SIRT3: variants seen among roughly 807,000 people sequenced by gnomAD.
SIRT3 encodes the protein NAD-dependent protein deacetylase sirtuin-3, mitochondrial.
In SIRT3, 26 loss-of-function variants were observed where a neutral mutation model predicts 33.5. That is an observed-to-expected ratio of 0.78 (90% CI 0.57 to 1.08). SIRT3 has a LOEUF of 1.08. SIRT3 is among the 50% of genes least tolerant of loss of function. The pLI is 0.00. For missense variants in SIRT3, 585 were observed against 530.1 expected, an observed-to-expected ratio of 1.10 and a Z score of -1.02; for synonymous variants, 237 against 222.1, an observed-to-expected ratio of 1.07 and a Z score of -0.60.
rs750804409 is a variant in SIRT3 at position 233,345 on chromosome 11, G to C, written c.471C>G (p.Phe157Leu). 1.9e-6 allele frequency: 3 copies of C among 1,613,394 alleles called. No homozygotes were observed. The highest frequency in any genetic ancestry group is 2.7e-5 in the African/African-American group (2 of 74,858). The change falls in exon 2 of 7, where the codon TTC becomes TTG. Residue 157 changes from phenylalanine (F) to leucine (L), a missense_variant and splice_region_variant. Coordinates refer to ENST00000382743, the MANE Select transcript of SIRT3 (RefSeq NM_012239.6). ...GISTPSGIPD[F>L]RSPGSGLYSN... ...GCAGGTGGGACTGTGGGCAGTACCT[G>C]AAGTCTGGAATGCCACTGGGTGTGC...
At chr11:225,749 T>C (rs934273404) in intron 4 of SIRT3, 1 of 152,234 alleles carries the variant, frequency 6.6e-6, no homozygotes, top group Admixed American at 6.5e-5. Flanking sequence ...AGGTCTAATG[T>C]ATGTTCAATC....
At chr11:216,745 A>G (rs751979507) in intron 6 of SIRT3, 27 bp from the exon 7 acceptor site, 9 of 1,613,628 alleles carry the variant, frequency 5.6e-6, no homozygotes, top group African/African-American at 5.3e-5. Flanking sequence ...AGAGGGTATC[A>G]GCTATCTGTT....
chr11:234,516 G>A (rs1055417293), intron 1 of SIRT3, among the ~76,000 whole-genome samples: 1 of 152,130 alleles, frequency 6.6e-6, no homozygotes, highest in Non-Finnish European at 1.5e-5. Context: ...CCAGGTTCAC[G>A]CCATTCTCCT....
chr11:235,796 C>T (rs1858949943), intron 1 of SIRT3, among the ~76,000 whole-genome samples: 1 of 152,126 alleles, frequency 6.6e-6, no homozygotes, highest in African/African-American at 2.4e-5. Flanking sequence ...CAGTGAGGTG[C>T]CAACAAGGTT....
intron 4 of SIRT3, among the ~76,000 whole-genome samples, chr11:229,287 A>AG (rs397961064): frequency 3.2e-5 from 2 of 62,270 alleles, no homozygotes; most frequent in Non-Finnish European, 6.3e-5. Flanking sequence ...ACTCTACTAA[A>AG]TACAAAAATT....
In SIRT3 at chr11:216,721, G is replaced by A. The variant is rs202062846; in HGVS notation, c.1180-3C>T. The A allele has an allele frequency of 2.9e-5, 46 of 1,613,950 alleles. No individual in the cohort carries two copies. The highest frequency in any genetic ancestry group is 1.6e-4 in the Middle Eastern group (1 of 6,084). On this transcript the variant is annotated splice_region_variant and splice_polypyrimidine_tract_variant and intron_variant, in intron 6 of 6. Coordinates refer to ENST00000382743, the MANE Select transcript of SIRT3 (RefSeq NM_012239.6). The stretch of plus-strand genomic sequence containing the variant: ...TCCTATTTGTCTGGTCCATCAAGCT[G>A]GAATACAGAAGACAGAGGGTATCAG...
chr11:220,201 G>A (rs1044411740), intron 5 of SIRT3, among the ~76,000 whole-genome samples: 2 of 151,716 alleles, frequency 1.3e-5, no homozygotes, highest in Non-Finnish European at 2.9e-5. Context: ...GTGGTGGCAC[G>A]CACCTATAAT....
upstream of SIRT3, chr11:236,925 C>T (rs1344434240): frequency 1.0e-5 from 8 of 794,664 alleles, no homozygotes; most frequent in Admixed American, 2.4e-5. Flanking sequence ...CGCCCCCGGC[C>T]TGCTACGGCG....
chr11:236,473 C>T (rs11246029), upstream of SIRT3: 278,977 of 374,560 alleles, frequency 0.74, 104,878 homozygotes, highest in African/African-American at 0.88. Flanking sequence ...CGCCTCCGCG[C>T]CCCGCCCCCG....
intron 1 of SIRT3, among the ~76,000 whole-genome samples, chr11:235,701 C>T (rs565535487): frequency 1.3e-5 from 2 of 152,258 alleles, no homozygotes; most frequent in African/African-American, 2.4e-5. Context: ...GAGTATTAAC[C>T]GCACAACATT....
chr11:236,897 C>G, upstream of SIRT3: 2 of 674,016 alleles, frequency 3.0e-6, no homozygotes, highest in South Asian at 3.3e-5. Flanking sequence ...GCGCTGTAAC[C>G]GAGCAACCAG....
At chr11:232,688 C>G (rs1858237691) in intron 3 of SIRT3, among the ~76,000 whole-genome samples, 1 of 152,074 alleles carries the variant, frequency 6.6e-6, no homozygotes, top group African/African-American at 2.4e-5. Context: ...ATCATCACAC[C>G]AGATTGGCAA....
chr11:232,430 C>T (rs1433314851), intron 3 of SIRT3, among the ~76,000 whole-genome samples: 2 of 151,988 alleles, frequency 1.3e-5, no homozygotes, highest in African/African-American at 4.8e-5. Flanking sequence ...GGCACCCGGC[C>T]GGAGTTGTTT....
In SIRT3 at chr11:223,244, A is replaced by C; in HGVS notation, c.969+834T>G. 1 of 167,178 alleles carries C rather than the reference A, an allele frequency of 6.0e-6. No homozygotes were observed. Among genetic ancestry groups the C allele is most frequent in the South Asian group, 1.5e-4 (1 of 6,552 alleles). The allele number at this position is 167,178 out of a possible 1,614,324, so 10.4% of individuals were successfully genotyped here. A position where few individuals can be genotyped will look rare whatever the true frequency, so the allele number is the denominator to read the frequency against. ...GCAGAACAGCTGCTTGAACACATCC[A>C]GGGCATGTTTCCCGACACCTCAGAC... On this transcript the variant is annotated intron_variant, in intron 5 of 6. Transcript: ENST00000382743. This position sits in a 1 kb window ranked among gnomAD's most constrained non-coding sequence, Gnocchi z 4.8.
chr11:236,293 G>A lies in SIRT3; in HGVS notation c.36C>T (p.Leu12=), dbSNP rs200074238. The A allele has an allele frequency of 6.5e-7, 1 of 1,529,666 alleles. No homozygotes were observed. Among genetic ancestry groups the A allele is most frequent in the Admixed American group, 2.0e-5 (1 of 50,126 alleles). The allele number at this position is 1,529,666 out of a possible 1,614,324, so 94.8% of individuals were successfully genotyped here. A position where few individuals can be genotyped will look rare whatever the true frequency, so the allele number is the denominator to read the frequency against. The change falls in exon 1 of 7, where the codon CTC becomes CTT. Residue 12 remains leucine (L), a synonymous_variant. Coordinates refer to ENST00000382743, the MANE Select transcript of SIRT3 (RefSeq NM_012239.6). The stretch of plus-strand genomic sequence containing the variant: ...GTTCAACTACCCGGCCCCACAGCCG[G>A]AGGGCTGCCGCGGCGCGCCAACCCC... The part of the protein sequence containing the change: ...AFWGWRAAAA[L]RLWGRVVERV...
chr11:235,946 A>T (rs1210629769), intron 1 of SIRT3, 102 bp downstream of exon 1: 1 of 1,316,260 alleles, frequency 7.6e-7, no homozygotes, highest in East Asian at 2.8e-5. Flanking sequence ...GAACGCACGT[A>T]AACTCCCAGA....
intron 4 of SIRT3, among the ~76,000 whole-genome samples, chr11:228,083 G>C (rs562792828): frequency 1.6e-4 from 25 of 152,284 alleles, no homozygotes; most frequent in African/African-American, 5.8e-4. Flanking sequence ...CTTACATCCA[G>C]ACGGCCTCAT....
chr11:234,557 G>A (rs1858642251), intron 1 of SIRT3, among the ~76,000 whole-genome samples: 2 of 152,078 alleles, frequency 1.3e-5, no homozygotes, highest in Admixed American at 6.5e-5. Flanking sequence ...TGGGACTACA[G>A]GCACCCGCCA....
At chr11:233,698 G>A in intron 1 of SIRT3, 164 bp from the exon 2 acceptor site, 2 of 657,098 alleles carry the variant, frequency 3.0e-6, no homozygotes, top group Non-Finnish European at 5.1e-6. Flanking sequence ...CGACTATTGG[G>A]GTACAACAAA....
Sources: allele counts gnomAD v4.1 joint callset (sites outside exome capture counted in the v4.1 genomes callset), GRCh38; gene constraint gnomAD v4.1.1; non-coding constraint Gnocchi (gnomAD v3.1); transcripts MANE v1.5; gene names NCBI Gene and HGNC (gene_info 2026-07-23, HGNC 2026-07-21).